Variants in PAPSS2 observed in about 807,000 individuals in gnomAD.
The protein encoded by PAPSS2 is 3'-phosphoadenosine 5'-phosphosulfate synthase 2, also known as bifunctional 3'-phosphoadenosine 5'-phosphosulfate synthase 2.
A neutral mutation model predicts 66.5 loss-of-function variants in PAPSS2; 61 were observed. That is an observed-to-expected ratio of 0.92 (90% confidence interval 0.75 to 1.14). PAPSS2 has a LOEUF of 1.14. PAPSS2 is among the 50% of genes most tolerant of loss of function. The pLI is 0.00. For missense variants in PAPSS2, 708 were observed against 789.6 expected (o/e 0.90, Z 1.24); for synonymous variants, 289 against 287.5 (o/e 1.01, Z -0.05).
rs79305889 is a variant in PAPSS2, at chr10:87,710,053, A to G, written c.145+740A>G. Among the ~76,000 whole-genome samples the G allele has an allele frequency of 2.8e-3, 426 of 152,320 alleles. 2 individuals are homozygous for G. The highest frequency in any genetic ancestry group is 9.8e-3 in the African/African-American group (407 of 41,570). The stretch of plus-strand genomic sequence containing the variant: ...TAGACAAAATTATTTCTGGACTCAA[A>G]AGGAAAAACCAAGTTCATTTCATAG... On this transcript the variant is annotated intron_variant, in intron 2 of 12. Coordinates refer to ENST00000456849, the MANE Select transcript of PAPSS2 (RefSeq NM_001015880.2).
chr10:87,676,773 G>A (rs1390103927), intron 1 of PAPSS2, among the ~76,000 whole-genome samples: 1 of 149,646 alleles, frequency 6.7e-6, no homozygotes, highest in Non-Finnish European at 1.5e-5. Context: ...TTGGCAGGCT[G>A]AGGTGGGAGG....
At chr10:87,741,174 C>G in intron 9 of PAPSS2, 61 bp from the exon 10 acceptor site, 2 of 1,567,024 alleles carry the variant, frequency 1.3e-6, no homozygotes, top group African/African-American at 1.4e-5. Flanking sequence ...AAGGAGAAAA[C>G]TTTTCAGATA....
intron 11 of PAPSS2, among the ~76,000 whole-genome samples, chr10:87,744,039 T>C (rs1589445448): frequency 6.6e-6 from 1 of 151,786 alleles, no homozygotes; most frequent in African/African-American, 2.4e-5. Flanking sequence ...GAGGTGGAGG[T>C]TGCAGTGAGC....
intron 1 of PAPSS2, among the ~76,000 whole-genome samples, chr10:87,700,879 A>C (rs1853295469): frequency 6.6e-6 from 1 of 151,938 alleles, no homozygotes; most frequent in Admixed American, 6.6e-5. Context: ...AATGATGGAA[A>C]AGAAATAAAA....
chr10:87,722,513 T>C (rs899994647), intron 8 of PAPSS2, among the ~76,000 whole-genome samples: 3 of 152,218 alleles, frequency 2.0e-5, no homozygotes, highest in African/African-American at 7.2e-5. Flanking sequence ...TTGAAAATTA[T>C]TGAAAGCAAA....
At chr10:87,673,270 T>C (rs1479054627) in intron 1 of PAPSS2, among the ~76,000 whole-genome samples, 2 of 152,356 alleles carry the variant, frequency 1.3e-5, no homozygotes, top group Non-Finnish European at 2.9e-5. Context: ...TGTAATGATA[T>C]TATTCAGATT....
At chr10:87,718,538 CA>C (rs1388310139) in intron 7 of PAPSS2, among the ~76,000 whole-genome samples, 2 of 152,208 alleles carry the variant, frequency 1.3e-5, no homozygotes, top group Middle Eastern at 3.2e-3. Context: ...CCAGTTCTTT[CA>C]AAAGCCTACC....
In PAPSS2 at chr10:87,727,258, C is replaced by T. The variant is rs200320883; in HGVS notation, c.881-26C>T. On this transcript the variant is annotated intron_variant, in intron 8 of 12. Transcript: ENST00000456849. ...GATGGCACACCTTATATCTAGTTTT[C>T]GTGCATCACATGGCTCTTTCCACAG... 5.1e-5 allele frequency: 81 copies of T among 1,594,190 alleles called. No homozygotes were observed. The East Asian group carries it at 8.3e-4, about 16-fold the overall frequency.
In PAPSS2 at chr10:87,745,871, G is replaced by A. The variant is rs1242390962; in HGVS notation, c.1761G>A (p.Arg587=). The change falls in exon 13 of 13, where the codon AGG becomes AGA. Residue 587 remains arginine, a synonymous_variant. Transcript: ENST00000456849. The part of the protein sequence containing the change: ...EFDFISGTRM[R]KLAREGENPP... ...ACTTCATCTCAGGAACTCGAATGAG[G>A]AAGCTCGCCCGGGAAGGAGAGAATC... The A allele has an allele frequency of 6.2e-7, 1 of 1,614,074 alleles. No individual in the cohort carries two copies. The highest frequency in any genetic ancestry group is 8.5e-7 in the Non-Finnish European group (1 of 1,180,000).
chr10:87,710,722 C>T (rs140606605), intron 2 of PAPSS2, among the ~76,000 whole-genome samples: 114 of 152,200 alleles, frequency 7.5e-4, no homozygotes, highest in African/African-American at 2.4e-3. Context: ...AAATCAAGGC[C>T]GGGCTTGGTA....
Position 87,741,320 on chromosome 10 carries a change from A to C in PAPSS2, c.1172A>C (p.Tyr391Ser). 3.7e-6 allele frequency: 6 copies of C among 1,613,834 alleles called. No individual in the cohort carries two copies. Among genetic ancestry groups the C allele is most frequent in the Non-Finnish European group, 5.1e-6 (6 of 1,179,696 alleles). The change falls in exon 10 of 13, where the codon TAC (tyrosine) becomes TCC (serine). Residue 391 changes from tyrosine to serine, a missense_variant. Coordinates refer to ENST00000456849, the MANE Select transcript of PAPSS2 (RefSeq NM_001015880.2). ...AGATGGAATGATGGGCTGGACCAAT[A>C]CCGTCTGACACCTCTGGAGCTCAAA... Reference protein sequence around the residue: ...KIRWNDGLDQYRLTPLELKQK... With the variant: ...KIRWNDGLDQSRLTPLELKQK...
At position 87,713,113 on chromosome 10, in the gene PAPSS2, C is replaced by G; in HGVS notation, c.184C>G (p.Leu62Val). ...GAGKTTISFA[L>V]EEYLVSHAIP... ...TGGAAAAACAACGATAAGTTTTGCC[C>G]TGGAGGAGTACCTTGTCTCCCATGC... The change falls in exon 3 of 13, where the codon CTG (leucine) becomes GTG (valine). Residue 62 changes from leucine to valine, a missense_variant. Leu to Val is a conservative substitution (Grantham distance 32). Transcript: ENST00000456849. 1 of 1,613,140 alleles carries G rather than the reference C, an allele frequency of 6.2e-7. No homozygotes were observed.
intron 8 of PAPSS2, 81 bp from the exon 9 acceptor site, chr10:87,727,203 G>A (rs1188433166): frequency 2.6e-6 from 3 of 1,161,726 alleles, no homozygotes; most frequent in African/African-American, 1.5e-5. Flanking sequence ...TTTGGAAGGG[G>A]CATTGTGCAC....
At chr10:87,700,288 C>T (rs896676451) in intron 1 of PAPSS2, among the ~76,000 whole-genome samples, 6 of 152,034 alleles carry the variant, frequency 3.9e-5, no homozygotes, top group East Asian at 1.9e-4. Flanking sequence ...ATTTTATGTT[C>T]GCAACAAAAC....
chr10:87,660,103 C>G, intron 1 of PAPSS2, 95 bp downstream of exon 1: 2 of 1,277,616 alleles, frequency 1.6e-6, no homozygotes, highest in Non-Finnish European at 2.2e-6. Flanking sequence ...CCACCCTCCC[C>G]GGGAGGGGGC....
chr10:87,669,447 T>C (rs560804797), intron 1 of PAPSS2, among the ~76,000 whole-genome samples: 1 of 152,344 alleles, frequency 6.6e-6, no homozygotes, highest in Non-Finnish European at 1.5e-5. Context: ...TAATTATGGC[T>C]CTTGGGCCAT....
At chr10:87,721,628 A>G in intron 7 of PAPSS2, 128 bp from the exon 8 acceptor site, 1 of 651,078 alleles carries the variant, frequency 1.5e-6, no homozygotes, top group Non-Finnish European at 2.7e-6. Context: ...TAGCATGACA[A>G]AGCTAGTATA....
At chr10:87,661,305 T>C (rs1352952960) in intron 1 of PAPSS2, among the ~76,000 whole-genome samples, 1 of 151,976 alleles carries the variant, frequency 6.6e-6, no homozygotes, top group African/African-American at 2.4e-5. Context: ...GTGGCATCAA[T>C]TTGGGAAGGG....
At chr10:87,711,310 C>T (rs1853460443) in intron 2 of PAPSS2, among the ~76,000 whole-genome samples, 1 of 152,238 alleles carries the variant, frequency 6.6e-6, no homozygotes, top group South Asian at 2.1e-4. Context: ...CAGTGCCTGG[C>T]ACATAGTTAA....
Sources: gnomAD v4.1 joint callset for allele counts (sites outside exome capture counted in the v4.1 genomes callset) on GRCh38, gnomAD v4.1.1 for gene constraint, MANE v1.5 for transcripts, NCBI Gene and HGNC (gene_info 2026-07-23, HGNC 2026-07-21) for gene names.